The following MYBL2 variants were observed in gnomAD, a reference collection of about 807,000 sequenced individuals.
MYBL2 encodes the protein MYB proto-oncogene like 2, also known as myb-related protein B.
In MYBL2, 28 loss-of-function variants were observed where a neutral mutation model predicts 79.9. The observed-to-expected ratio is 0.35, with a 90% CI of 0.26 to 0.48. The LOEUF (loss-of-function observed/expected upper bound fraction) is 0.48, where lower values mean the gene tolerates loss of function less well. MYBL2 is among the 20% of genes least tolerant of loss of function. The pLI is 0.99. For synonymous variants in MYBL2, 378 were observed against 361.2 expected (o/e 1.05, Z -0.53); for missense variants, 735 against 893.9 (o/e 0.82, Z 2.27).
chr20:43,686,199 C>T (rs1469404062), intron 4 of MYBL2, among the ~76,000 whole-genome samples: 1 of 152,214 alleles, frequency 6.6e-6, no homozygotes, highest in African/African-American at 2.4e-5. Flanking sequence ...TTCCCAGTTT[C>T]TTGTGGCCTG....
intron 6 of MYBL2, among the ~76,000 whole-genome samples, chr20:43,696,691 C>G (rs1166783663): frequency 9.8e-5 from 15 of 152,290 alleles, no homozygotes; most frequent in Non-Finnish European, 1.9e-4. Context: ...TAATGATCAT[C>G]ATTGTTCAGT....
chr20:43,715,408 G>A, intron 13 of MYBL2, 125 bp downstream of exon 13: 1 of 1,467,514 alleles, frequency 6.8e-7, no homozygotes, highest in Non-Finnish European at 9.2e-7. Context: ...TGCATAGGCT[G>A]TTCCTCTGCC....
chr20:43,705,083 G>T, intron 8 of MYBL2, 136 bp from the exon 9 acceptor site: 1 of 1,138,382 alleles, frequency 8.8e-7, no homozygotes, highest in Admixed American at 2.4e-5. Context: ...TGTCTGATGG[G>T]TCAAGAGGGG....
chr20:43,684,429 GT>G (rs1223929016), intron 4 of MYBL2, among the ~76,000 whole-genome samples: 1 of 151,294 alleles, frequency 6.6e-6, no homozygotes, highest in African/African-American at 2.4e-5. Context: ...TAGAGACAGG[GT>G]TTCACCATGT....
chr20:43,702,483 T>C lies in MYBL2; in HGVS notation c.952-7T>C, dbSNP rs1188417434. ...AATTGCAATTCCTAACCTCCCTCCC[T>C]GGACAGGACCCTGATGCTTGGTGTG... On this transcript the variant is annotated splice_polypyrimidine_tract_variant and splice_region_variant and intron_variant, in intron 7 of 13. Transcript: ENST00000217026. 6.3e-6 allele frequency: 10 copies of C among 1,587,588 alleles called. No individual in the cohort carries two copies. The highest frequency in any genetic ancestry group is 6.9e-6 in the Non-Finnish European group (8 of 1,160,672).
At chr20:43,706,865 G>A (rs1359732733) in intron 9 of MYBL2, among the ~76,000 whole-genome samples, 4 of 150,880 alleles carry the variant, frequency 2.7e-5, no homozygotes, top group South Asian at 2.1e-4. Flanking sequence ...ACAGGCACGC[G>A]CCACCACACC....
chr20:43,673,819 G>A lies in MYBL2; in HGVS notation c.34G>A (p.Glu12Lys). ...SRRTRCEDLDELHYQDTDSDV... is the reference protein window; with the variant it reads ...SRRTRCEDLDKLHYQDTDSDV... ...CTTTCCCCATAGCGAGGATCTGGAT[G>A]AGCTGCACTACCAGGACACAGATTC... Residue 12 changes from glutamate (E) to lysine (K), a missense_variant, in exon 2 of 14, where the codon GAG (glutamate) becomes AAG (lysine). Glu to Lys is a moderately conservative substitution (Grantham distance 56). Coordinates refer to ENST00000217026, the MANE Select transcript of MYBL2 (RefSeq NM_002466.4). 6.4e-7 allele frequency: 1 copy of A among 1,564,766 alleles called. No homozygotes were observed. Among genetic ancestry groups the A allele is most frequent in the Non-Finnish European group, 8.7e-7 (1 of 1,153,346 alleles).
intron 5 of MYBL2, among the ~76,000 whole-genome samples, chr20:43,690,973 T>C (rs1422262539): frequency 6.6e-6 from 1 of 152,226 alleles, no homozygotes; most frequent in Admixed American, 6.5e-5. Context: ...TTACTACATG[T>C]TTCTCTGCTA....
At chr20:43,695,871 G>C (rs570602254) in intron 6 of MYBL2, among the ~76,000 whole-genome samples, 1 of 152,172 alleles carries the variant, frequency 6.6e-6, no homozygotes, top group Non-Finnish European at 1.5e-5. Flanking sequence ...TGAGGTGGGC[G>C]TGGTGACACA....
intron 6 of MYBL2, among the ~76,000 whole-genome samples, chr20:43,695,140 TCTC>T (rs950145178): frequency 2.2e-4 from 34 of 152,042 alleles, no homozygotes; most frequent in African/African-American, 7.5e-4. Flanking sequence ...TTCAAGTGGT[TCTC>T]CTGCCTCAGC....
intron 5 of MYBL2, among the ~76,000 whole-genome samples, chr20:43,688,016 A>AT (rs1307402207): frequency 6.6e-6 from 1 of 151,022 alleles, no homozygotes; most frequent in Non-Finnish European, 1.5e-5. Flanking sequence ...TCTCCAAAAA[A>AT]AAAAAAAAAA....
intron 5 of MYBL2, 111 bp downstream of exon 5, chr20:43,687,183 C>A: frequency 8.7e-7 from 1 of 1,145,348 alleles, no homozygotes; most frequent in Admixed American, 2.3e-5. Context: ...TGTTCTGTAA[C>A]ACCCAGCCTC....
chr20:43,674,356 G>A (rs1986953471), intron 2 of MYBL2, among the ~76,000 whole-genome samples: 1 of 149,254 alleles, frequency 6.7e-6, no homozygotes, highest in African/African-American at 2.5e-5. Context: ...CCTGCCTCAG[G>A]TGCGATTACA....
At chr20:43,674,832 A>G (rs1568847245) in intron 2 of MYBL2, among the ~76,000 whole-genome samples, 1 of 152,122 alleles carries the variant, frequency 6.6e-6, no homozygotes, top group Admixed American at 6.5e-5. Flanking sequence ...GCACCCTGCC[A>G]ACTCCCACTT....
rs561840382 is a variant in MYBL2, at chr20:43,707,264, G to A, written c.1505+1906G>A. On this transcript the variant is annotated intron_variant, in intron 9 of 13. Transcript: ENST00000217026. ...CTAAAGCATAACTTAGATAGGTTTC[G>A]TGAGAAATGATTGTCCGTTCAAACC... Among the ~76,000 whole-genome samples, 8 of 151,394 alleles carry A rather than the reference G, an allele frequency of 5.3e-5. No homozygotes were observed. In the East Asian group the frequency reaches 1.6e-3, roughly 29 times the overall value.
chr20:43,673,246 CTTT>C (rs3091633), intron 1 of MYBL2, among the ~76,000 whole-genome samples: 324 of 145,008 alleles, frequency 2.2e-3, no homozygotes, highest in Middle Eastern at 3.5e-3. Context: ...TGCCTGGCCT[CTTT>C]TTTTTTTTTT....
intron 2 of MYBL2, 24 bp downstream of exon 2, chr20:43,673,923 G>A (rs1433853499): frequency 7.1e-6 from 11 of 1,542,852 alleles, no homozygotes; most frequent in Non-Finnish European, 9.7e-6. Flanking sequence ...GGAAGAGAGG[G>A]TTGATGGCAG....
Position 43,681,490 on chromosome 20 carries a change from C to T in MYBL2, c.115-294C>T, listed in dbSNP as rs775973283. Among the ~76,000 whole-genome samples, 5 of 152,168 alleles carry T rather than the reference C, an allele frequency of 3.3e-5. No homozygotes were observed. The East Asian group carries it at 9.6e-4, about 29-fold the overall frequency. On this transcript the variant is annotated intron_variant, in intron 2 of 13. Coordinates refer to ENST00000217026, the MANE Select transcript of MYBL2 (RefSeq NM_002466.4). ...ATTCTGCATTTCCTTGGAACCTGTC[C>T]CTTAGTGTCCCTGAGTAGGCAGTCA...
At position 43,702,558 on chromosome 20, in the gene MYBL2, C is replaced by T. The variant is rs1181429999; in HGVS notation, c.1020C>T (p.Ile340=). ...LPEEPSAEDS[I]NNSLVQLQAS... is the part of the protein sequence containing the mutation. ...AGGAACCATCTGCAGAGGACAGTAT[C>T]AACAACAGCCTAGTGCAGCTGCAAG... Residue 340 remains isoleucine, a synonymous_variant, in exon 8 of 14, where the codon ATC becomes ATT. Transcript: ENST00000217026. 2 of 1,614,146 alleles carry T rather than the reference C, an allele frequency of 1.2e-6. No individual in the cohort carries two copies. Among genetic ancestry groups the T allele is most frequent in the Non-Finnish European group, 1.7e-6 (2 of 1,180,012 alleles).
Sources: gnomAD v4.1 joint callset for allele counts (sites outside exome capture counted in the v4.1 genomes callset) on GRCh38, gnomAD v4.1.1 for gene constraint, MANE v1.5 for transcripts, NCBI Gene and HGNC (gene_info 2026-07-23, HGNC 2026-07-21) for gene names.